Variants in NCAPD3 observed in about 807,000 individuals in gnomAD.
NCAPD3 encodes non-SMC condensin II complex subunit D3, also known as condensin-2 complex subunit D3.
In NCAPD3, 105 loss-of-function variants were observed where a neutral mutation model predicts 182.9. The observed-to-expected ratio is 0.57, with a 90% CI of 0.49 to 0.68. The LOEUF is 0.68. NCAPD3 is among the 30% of genes least tolerant of loss of function. The pLI is 0.00. For synonymous variants in NCAPD3, 815 were observed against 679.9 expected, an observed-to-expected ratio of 1.20 and a Z score of -3.09; for missense variants, 1,944 against 1,837.0, an observed-to-expected ratio of 1.06 and a Z score of -1.07.
Position 134,223,934 on chromosome 11 carries a change from G to A in NCAPD3, c.-8C>T, listed in dbSNP as rs764435319. 1.7e-5 allele frequency: 28 copies of A among 1,611,904 alleles called. No homozygotes were observed. The Admixed American group carries it at 1.8e-4, about 11-fold the overall frequency. On this transcript the variant is annotated 5_prime_UTR_variant, in exon 1 of 35. Transcript: ENST00000534548. ...GCCCCGCAACGCCACCATGATCCCAGGGCACCGGCTCGCCGCCGCCGTGCT... is the reference window on the plus strand; with the variant it reads ...GCCCCGCAACGCCACCATGATCCCAAGGCACCGGCTCGCCGCCGCCGTGCT...
chr11:134,174,240 G>A (rs1000371883), intron 24 of NCAPD3, among the ~76,000 whole-genome samples: 6 of 151,504 alleles, frequency 4.0e-5, no homozygotes, highest in Admixed American at 1.3e-4. Flanking sequence ...AAAACTAGCC[G>A]AGTATGGTGG....
Position 134,176,386 on chromosome 11 carries a change from C to T in NCAPD3, c.3022G>A (p.Glu1008Lys). 1 of 1,613,768 alleles carries T rather than the reference C, an allele frequency of 6.2e-7. No homozygotes were observed. Among genetic ancestry groups the T allele is most frequent in the Non-Finnish European group, 8.5e-7 (1 of 1,179,780 alleles). The part of the protein sequence containing the change: ...TLILLTNLLQ[E>K]EFVKWKGSLF... ...GAGCCCTTCCATTTCACAAATTCCTCCTGTGCAGAGAGAAGCCGGCATGTT... is the reference window on the plus strand; with the variant it reads ...GAGCCCTTCCATTTCACAAATTCCTTCTGTGCAGAGAGAAGCCGGCATGTT... The change falls in exon 24 of 35, where the codon GAG (glutamate) becomes AAG (lysine). Residue 1008 changes from glutamate (E) to lysine (K), a missense_variant and splice_region_variant. Transcript: ENST00000534548.
chr11:134,156,764 G>C (rs116453349), intron 32 of NCAPD3: 1 of 334,600 alleles, frequency 3.0e-6, no homozygotes, highest in South Asian at 6.7e-5. Context: ...GTGCCTCAAC[G>C]GCATTGTCTG....
chr11:134,168,455 C>A lies in NCAPD3; in HGVS notation c.3373+14G>T. On this transcript the variant is annotated intron_variant, in intron 26 of 34. Transcript: ENST00000534548. ...GCAAACACACACATTTTCTCCCACA[C>A]ACACTGGGCTTACCCAAAATACTAA... 6.2e-7 allele frequency: 1 copy of A among 1,613,950 alleles called. No individual in the cohort carries two copies. Among genetic ancestry groups the A allele is most frequent in the Non-Finnish European group, 8.5e-7 (1 of 1,179,798 alleles).
chr11:134,205,482 A>G (rs186084665), intron 8 of NCAPD3, among the ~76,000 whole-genome samples: 230 of 150,902 alleles, frequency 1.5e-3, no homozygotes, highest in African/African-American at 5.2e-3. Flanking sequence ...CGGGTTCAAG[A>G]GTTTCTCCTG....
At chr11:134,173,837 T>C (rs1591834963) in intron 24 of NCAPD3, among the ~76,000 whole-genome samples, 1 of 151,784 alleles carries the variant, frequency 6.6e-6, no homozygotes. Context: ...GGCGCACGCC[T>C]GTGATCCCAG....
intron 4 of NCAPD3, among the ~76,000 whole-genome samples, chr11:134,209,966 G>C (rs1438430878): frequency 6.6e-6 from 1 of 152,166 alleles, no homozygotes; most frequent in African/African-American, 2.4e-5. Flanking sequence ...TGCAGCAGGA[G>C]AATCACTTGA....
chr11:134,161,610 T>C (rs777697177), intron 28 of NCAPD3, among the ~76,000 whole-genome samples, 171 bp downstream of exon 28: 17 of 152,184 alleles, frequency 1.1e-4, no homozygotes, highest in Non-Finnish European at 2.4e-4. Context: ...GCGGCTTTGG[T>C]GGAACCCACA....
chr11:134,217,360 A>T (rs1938066694), intron 2 of NCAPD3, among the ~76,000 whole-genome samples: 1 of 152,220 alleles, frequency 6.6e-6, no homozygotes, highest in Admixed American at 6.5e-5. Flanking sequence ...TTAAGTTTGT[A>T]GCATATATAC....
chr11:134,167,352 T>A (rs1174670311), intron 27 of NCAPD3, among the ~76,000 whole-genome samples: 1 of 54,840 alleles, frequency 1.8e-5, no homozygotes, highest in Non-Finnish European at 3.1e-5. Flanking sequence ...ACTCGTGAGA[T>A]GAGCTTGGGG....
intron 31 of NCAPD3, 30 bp downstream of exon 31, chr11:134,157,898 A>C: frequency 6.3e-7 from 1 of 1,597,428 alleles, no homozygotes; most frequent in African/African-American, 1.3e-5. Context: ...TAAATGCTCT[A>C]CTGTGTCTGG....
Position 134,151,933 on chromosome 11 carries a change from G to A in NCAPD3, c.*1011C>T, listed in dbSNP as rs1397860260. 6.6e-6 allele frequency: 1 copy of A among 152,172 alleles called. No individual in the cohort carries two copies. Among genetic ancestry groups the A allele is most frequent in the Admixed American group, 6.5e-5 (1 of 15,280 alleles). The allele number at this position is 152,172 out of a possible 1,614,324, so 9.4% of individuals were successfully genotyped here. On this transcript the variant is annotated 3_prime_UTR_variant, in exon 35 of 35. Coordinates refer to ENST00000534548, the MANE Select transcript of NCAPD3 (RefSeq NM_015261.3). ...CAGTGCTGCGCCTCTCCGCCACCGA[G>A]CCCACCTGTGTTGCGGTTCCCACTT... is the stretch of plus-strand genomic sequence containing the variant.
chr11:134,196,401 T>G (rs1300693505), intron 13 of NCAPD3, among the ~76,000 whole-genome samples: 1 of 152,040 alleles, frequency 6.6e-6, no homozygotes, highest in African/African-American at 2.4e-5. Flanking sequence ...GCCAGCTCTT[T>G]GGGAGGCCGA....
intron 7 of NCAPD3, among the ~76,000 whole-genome samples, chr11:134,207,158 C>A (rs1192056271): frequency 2.6e-5 from 4 of 152,284 alleles, no homozygotes; most frequent in African/African-American, 7.2e-5. Flanking sequence ...TCTCATATAA[C>A]ATAGTCACTA....
chr11:134,184,470 T>C (rs937143435), intron 19 of NCAPD3, among the ~76,000 whole-genome samples, 167 bp downstream of exon 19: 3 of 152,240 alleles, frequency 2.0e-5, no homozygotes, highest in Non-Finnish European at 4.4e-5. Flanking sequence ...TCTTGGGGAA[T>C]GTCAATTGCT....
At chr11:134,187,486 C>A (rs767982469) in intron 16 of NCAPD3, among the ~76,000 whole-genome samples, 6 of 152,212 alleles carry the variant, frequency 3.9e-5, no homozygotes, top group Non-Finnish European at 5.9e-5. Context: ...GCTCTCCACA[C>A]CTCAGTCAAC....
intron 8 of NCAPD3, among the ~76,000 whole-genome samples, chr11:134,205,928 A>G (rs960868384): frequency 6.6e-6 from 1 of 152,130 alleles, no homozygotes; most frequent in African/African-American, 2.4e-5. Context: ...GTGCACACCC[A>G]AGGCATGCAC....
chr11:134,172,166 AC>A (rs1172753654), intron 24 of NCAPD3, among the ~76,000 whole-genome samples: 9 of 152,066 alleles, frequency 5.9e-5, no homozygotes, highest in Non-Finnish European at 8.8e-5. Context: ...TGGTGCTCCC[AC>A]CATCTGCCTC....
intron 13 of NCAPD3, among the ~76,000 whole-genome samples, chr11:134,195,680 G>A (rs980137547): frequency 6.6e-6 from 1 of 151,936 alleles, no homozygotes; most frequent in Non-Finnish European, 1.5e-5. Flanking sequence ...CCAGGAGTTC[G>A]AGTCCAGCCT....
Sources: allele counts gnomAD v4.1 joint callset (sites outside exome capture counted in the v4.1 genomes callset), GRCh38; gene constraint gnomAD v4.1.1; transcripts MANE v1.5; gene names NCBI Gene and HGNC (gene_info 2026-07-23, HGNC 2026-07-21).